The following CCDC144A variants were observed in gnomAD, a reference collection of about 807,000 sequenced individuals.
CCDC144A encodes coiled-coil domain containing 144A, also known as coiled-coil domain-containing protein 144A.
A neutral mutation model predicts 143.8 loss-of-function variants in CCDC144A; 41 were observed. That is an observed-to-expected ratio of 0.29 (90% CI 0.22 to 0.37). The LOEUF is 0.37. CCDC144A is among the 10% of genes least tolerant of loss of function. The pLI is 1.00. For synonymous variants in CCDC144A, 242 were observed against 517.9 expected (o/e 0.47, Z 7.23); for missense variants, 637 against 1,488.8 (o/e 0.43, Z 9.41).
intron 9 of CCDC144A, among the ~76,000 whole-genome samples, chr17:16,729,846 G>C (rs1009124180): frequency 1.5e-4 from 21 of 137,626 alleles, no homozygotes; most frequent in Admixed American, 1.1e-3. Context: ...GACAGAGCGA[G>C]ACTCTGTCTC....
At chr17:16,761,874 T>C (rs1230648172) in intron 13 of CCDC144A, among the ~76,000 whole-genome samples, 156 bp downstream of exon 13, 1 of 152,270 alleles carries the variant, frequency 6.6e-6, no homozygotes, top group African/African-American at 2.4e-5. Context: ...TTAAATATTT[T>C]CGTTTCCATC....
chr17:16,753,197 A>G (rs1344007538), intron 12 of CCDC144A, among the ~76,000 whole-genome samples: 1 of 146,730 alleles, frequency 6.8e-6, no homozygotes, highest in Non-Finnish European at 1.5e-5. Flanking sequence ...CAAGTGTGAT[A>G]ATTTACTTGA....
the CCDC144A span, among the ~76,000 whole-genome samples, chr17:16,678,585 C>CTT: frequency 3.7e-5 from 5 of 136,852 alleles, no homozygotes; most frequent in African/African-American, 1.1e-4. Context: ...TTTTTCTTTT[C>CTT]TTTTTTTTTT....
At chr17:16,724,458 C>T (rs1233944333) in intron 8 of CCDC144A, among the ~76,000 whole-genome samples, 4 of 148,696 alleles carry the variant, frequency 2.7e-5, no homozygotes, top group African/African-American at 1.0e-4. Context: ...TGCAGTGAGC[C>T]GAGATCCCGC....
At chr17:16,681,117 G>T in the CCDC144A span, among the ~76,000 whole-genome samples, 1 of 151,996 alleles carries the variant, frequency 6.6e-6, no homozygotes, top group Admixed American at 6.6e-5. Context: ...AGTATTCAGG[G>T]ATAAAGAGAA....
chr17:16,677,747 C>T, the CCDC144A span, among the ~76,000 whole-genome samples: 1 of 150,746 alleles, frequency 6.6e-6, no homozygotes, highest in East Asian at 1.9e-4. Flanking sequence ...GCAGATGTTG[C>T]AATGAGCGGA....
intron 2 of CCDC144A, among the ~76,000 whole-genome samples, chr17:16,697,563 T>A (rs1911488037): frequency 6.6e-6 from 1 of 152,252 alleles, no homozygotes; most frequent in South Asian, 2.1e-4. Flanking sequence ...TGTTGTGAGG[T>A]TTTCACCCAT....
chr17:16,762,727 A>G (rs1302772319), intron 14 of CCDC144A, among the ~76,000 whole-genome samples, 194 bp downstream of exon 14: 3 of 152,090 alleles, frequency 2.0e-5, no homozygotes, highest in African/African-American at 7.3e-5. Flanking sequence ...TAGTAAATGA[A>G]CGTAACCTTT....
At chr17:16,726,380 C>CAA (rs1172386875) in intron 8 of CCDC144A, among the ~76,000 whole-genome samples, 3,129 of 69,230 alleles carry the variant, frequency 0.045, 84 homozygotes, top group African/African-American at 0.12. Flanking sequence ...GACTCCGTCT[C>CAA]AAAAAAAAAA....
the CCDC144A span, among the ~76,000 whole-genome samples, chr17:16,677,853 A>G: frequency 6.6e-6 from 1 of 151,968 alleles, no homozygotes; most frequent in Non-Finnish European, 1.5e-5. Context: ...AATTGTATAT[A>G]CATGCAAACA....
At chr17:16,720,259 A>G in intron 7 of CCDC144A, 28 bp downstream of exon 7, 2 of 1,521,618 alleles carry the variant, frequency 1.3e-6, no homozygotes, top group Non-Finnish European at 1.8e-6. Context: ...ATGATCTAAA[A>G]TATTGTTTTT....
chr17:16,754,904 C>G (rs1227185979), intron 12 of CCDC144A, among the ~76,000 whole-genome samples: 1 of 152,198 alleles, frequency 6.6e-6, no homozygotes, highest in Admixed American at 6.5e-5. Context: ...TATCTGTGTG[C>G]TCAGGTATTG....
chr17:16,766,161 A>G (rs1466683305), intron 15 of CCDC144A: 1 of 152,488 alleles, frequency 6.6e-6, no homozygotes, highest in East Asian at 1.9e-4. Flanking sequence ...GAAGACTGGT[A>G]GCGGGGAGGG....
At chr17:16,700,282 A>C (rs1911659240) in intron 2 of CCDC144A, among the ~76,000 whole-genome samples, 1 of 152,218 alleles carries the variant, frequency 6.6e-6, no homozygotes, top group African/African-American at 2.4e-5. Context: ...TTTTGATGAC[A>C]CATGTGCAAT....
chr17:16,675,691 T>A, the CCDC144A span, among the ~76,000 whole-genome samples: 1 of 148,768 alleles, frequency 6.7e-6, no homozygotes, highest in Non-Finnish European at 1.5e-5. Flanking sequence ...TTCCAGCTCA[T>A]GGAGATAGAT....
At chr17:16,677,850 TATACATGCAAACATC>T in the CCDC144A span, among the ~76,000 whole-genome samples, 1 of 151,630 alleles carries the variant, frequency 6.6e-6, no homozygotes, top group Non-Finnish European at 1.5e-5. Context: ...GTAAATTGTA[TATACATGCAAACATC>T]AGTGTCATGA....
rs181042036 is a variant in CCDC144A at position 16,742,751 on chromosome 17, G to A, written c.3372+7108G>A. On this transcript the variant is annotated intron_variant, in intron 12 of 16. Transcript: ENST00000399273. ...TGTTTTTTGTTTTTTGATTTTTTTT[G>A]ATAGTAGCCATTCTGTGGTGAGACG... is the stretch of plus-strand genomic sequence containing the variant. Among the ~76,000 whole-genome samples, 15 of 151,772 alleles carry A rather than the reference G, an allele frequency of 9.9e-5. No homozygotes were observed. The East Asian group carries it at 2.5e-3, about 25-fold the overall frequency.
chr17:16,683,774 T>C, the CCDC144A span: 17 of 1,484,870 alleles, frequency 1.1e-5, no homozygotes, highest in Non-Finnish European at 1.4e-5. Flanking sequence ...CAGAGCCATA[T>C]GCAAGCACAT....
chr17:16,738,574 T>A, intron 12 of CCDC144A, among the ~76,000 whole-genome samples: 1 of 151,994 alleles, frequency 6.6e-6, no homozygotes, highest in Admixed American at 6.5e-5. Context: ...TTCTTCTACT[T>A]AGCATAACAT....
Sources: allele counts gnomAD v4.1 joint callset (sites outside exome capture counted in the v4.1 genomes callset), GRCh38; gene constraint gnomAD v4.1.1; transcripts MANE v1.5; gene names NCBI Gene and HGNC (gene_info 2026-07-23, HGNC 2026-07-21).